Variants in NPAS2 observed in about 807,000 individuals in gnomAD.
The protein encoded by NPAS2 is neuronal PAS domain-containing protein 2.
Under a neutral mutation model 107.5 loss-of-function variants are expected in NPAS2, and 23 were observed. The observed-to-expected ratio is 0.21, with a 90% CI of 0.15 to 0.30. The LOEUF (loss-of-function observed/expected upper bound fraction) is 0.30. Among genes scored for constraint, NPAS2 ranks in the 10% least tolerant of loss-of-function variants. The pLI, the probability that NPAS2 is intolerant of heterozygous loss-of-function variation, is 1.00. For missense variants in NPAS2, 756 were observed against 1,043.3 expected (o/e 0.72, Z 3.79); for synonymous variants, 403 against 417.5 (o/e 0.97, Z 0.42).
In NPAS2 at chr2:100,841,300, T is replaced by C. The variant is rs142102429; in HGVS notation, c.-23+20886T>C. 4.5e-3 allele frequency among the ~76,000 whole-genome samples: 682 copies of C among 152,198 alleles called. 6 individuals are homozygous for C. The highest frequency in any genetic ancestry group is 0.016 in the African/African-American group (663 of 41,520). ...AAATACAAAAAAAATTAGCCAGGCA[T>C]GGTGGCAGGCGCCTATAATCCCAGC... On this transcript the variant is annotated intron_variant, in intron 1 of 20. Transcript: ENST00000335681.
chr2:100,950,033 G>A (rs879638064), intron 7 of NPAS2, among the ~76,000 whole-genome samples: 9 of 152,172 alleles, frequency 5.9e-5, no homozygotes, highest in South Asian at 4.2e-4. Context: ...GAAAGTACCC[G>A]GTTACCTGAT....
intron 4 of NPAS2, among the ~76,000 whole-genome samples, chr2:100,937,290 C>T (rs1157296240): frequency 6.6e-6 from 1 of 152,196 alleles, no homozygotes; most frequent in Non-Finnish European, 1.5e-5. Flanking sequence ...GGCCAACAGG[C>T]ACACTTTCTG....
At chr2:100,987,994 T>C in intron 16 of NPAS2, 85 bp from the exon 17 acceptor site, 1 of 1,437,402 alleles carries the variant, frequency 7.0e-7, no homozygotes, top group Non-Finnish European at 9.7e-7. Context: ...AGAAAGTTCT[T>C]ACTGGCACAG....
intron 12 of NPAS2, 84 bp from the exon 13 acceptor site, chr2:100,974,719 T>G (rs933867238): frequency 1.2e-5 from 17 of 1,453,798 alleles, no homozygotes; most frequent in Admixed American, 2.0e-5. Flanking sequence ...TCTGAGGTTG[T>G]CGACATATTT....
intron 7 of NPAS2, among the ~76,000 whole-genome samples, chr2:100,952,391 C>T (rs1675280429): frequency 6.6e-6 from 1 of 151,772 alleles, no homozygotes; most frequent in African/African-American, 2.4e-5. Flanking sequence ...ATGGAGAAAC[C>T]CCGTCTCTAC....
At chr2:100,936,306 A>G (rs1684296039) in intron 4 of NPAS2, among the ~76,000 whole-genome samples, 3 of 152,254 alleles carry the variant, frequency 2.0e-5, no homozygotes, top group African/African-American at 7.2e-5. Context: ...ACAGATTCTC[A>G]GACATCACGT....
intron 10 of NPAS2, among the ~76,000 whole-genome samples, chr2:100,967,482 T>C (rs1046738194): frequency 8.5e-5 from 13 of 152,058 alleles, no homozygotes; most frequent in Admixed American, 1.3e-4. Flanking sequence ...TGCCTCAGCC[T>C]CCCAAAGTGC....
At chr2:100,932,856 T>C (rs1411170240) in intron 3 of NPAS2, 54 bp from the exon 4 acceptor site, 4 of 1,237,648 alleles carry the variant, frequency 3.2e-6, no homozygotes, top group Non-Finnish European at 4.8e-6. Flanking sequence ...CATTTGTTAA[T>C]TCCAATTTCT....
intron 4 of NPAS2, among the ~76,000 whole-genome samples, chr2:100,935,734 CA>C (rs1467639645): frequency 6.6e-6 from 1 of 152,150 alleles, no homozygotes; most frequent in East Asian, 1.9e-4. Context: ...CTGATGTCAT[CA>C]ACAGTGCCCT....
chr2:100,906,050 G>T (rs557668914), intron 2 of NPAS2, among the ~76,000 whole-genome samples: 5 of 152,190 alleles, frequency 3.3e-5, no homozygotes, highest in Non-Finnish European at 7.3e-5. Context: ...TTCATCCCAG[G>T]ATCTGGGAGA....
Position 100,995,672 on chromosome 2 carries a change from ACCCCT to A in NPAS2, c.*91_*95del, listed in dbSNP as rs1205853796. On this transcript the variant is annotated 3_prime_UTR_variant, in exon 21 of 21. Transcript: ENST00000335681. ...AGATGGGGAGAGGAGTCTGAACTAA[ACCCCT>A]GGCTTTTGTGCACACTGCATACGTT... 3.2e-6 allele frequency: 5 copies of A among 1,551,388 alleles called. No homozygotes were observed. The highest frequency in any genetic ancestry group is 4.4e-6 in the Non-Finnish European group (5 of 1,148,482).
intron 5 of NPAS2, among the ~76,000 whole-genome samples, chr2:100,947,274 G>A (rs1014354502): frequency 1.8e-4 from 28 of 152,206 alleles, no homozygotes; most frequent in African/African-American, 5.3e-4. Flanking sequence ...AAATGGGCCA[G>A]GCTTGATGGC....
chr2:100,830,106 T>C (rs1676636691), intron 1 of NPAS2, among the ~76,000 whole-genome samples: 1 of 152,232 alleles, frequency 6.6e-6, no homozygotes, highest in South Asian at 2.1e-4. Flanking sequence ...TTGGTCTTTG[T>C]TGCATGCATT....
intron 1 of NPAS2, among the ~76,000 whole-genome samples, chr2:100,833,039 G>A (rs896974333): frequency 1.3e-5 from 2 of 152,188 alleles, no homozygotes; most frequent in Admixed American, 6.5e-5. Flanking sequence ...ATTGCAGCCT[G>A]TTTATATGAG....
At chr2:100,861,959 TAAGAA>T (rs1678968708) in intron 1 of NPAS2, among the ~76,000 whole-genome samples, 1 of 152,186 alleles carries the variant, frequency 6.6e-6, no homozygotes, top group African/African-American at 2.4e-5. Context: ...GGATCTGTGT[TAAGAA>T]AAGAATGTGT....
At chr2:100,905,949 G>A (rs1197709906) in intron 2 of NPAS2, among the ~76,000 whole-genome samples, 1 of 152,160 alleles carries the variant, frequency 6.6e-6, no homozygotes, top group Non-Finnish European at 1.5e-5. Flanking sequence ...CAAGGCATAA[G>A]GGGAGTCTGG....
chr2:100,904,691 G>GTAAT (rs1682019174), intron 1 of NPAS2, 42 bp from the exon 2 acceptor site: 2 of 1,337,966 alleles, frequency 1.5e-6, no homozygotes, highest in East Asian at 4.7e-5. Context: ...GAAGCAGACA[G>GTAAT]TAATTATCCA....
Position 100,977,980 on chromosome 2 carries a change from C to T in NPAS2, c.1482+181C>T, listed in dbSNP as rs571323236. ...CCCCCCACACCCACCCTCTCGTCTC[C>T]AAGTTCTTTTTTCCAGTGTCTGGGG... On this transcript the variant is annotated intron_variant, in intron 15 of 20. Transcript: ENST00000335681. Among the ~76,000 whole-genome samples the T allele has an allele frequency of 2.6e-5, 4 of 152,312 alleles. No individual in the cohort carries two copies. In the South Asian group the frequency reaches 8.3e-4, roughly 32 times the overall value.
chr2:100,849,996 C>A (rs1232733368), intron 1 of NPAS2, among the ~76,000 whole-genome samples: 1 of 69,548 alleles, frequency 1.4e-5, no homozygotes, highest in Non-Finnish European at 2.6e-5. Flanking sequence ...ATAGATCTAA[C>A]AGTAACTCTT....
Sources: allele counts gnomAD v4.1 joint callset (sites outside exome capture counted in the v4.1 genomes callset), GRCh38; gene constraint gnomAD v4.1.1; transcripts MANE v1.5; gene names NCBI Gene and HGNC (gene_info 2026-07-23, HGNC 2026-07-21).